The following SCLT1 variants were observed in gnomAD, a reference collection of about 807,000 sequenced individuals.
SCLT1 encodes sodium channel and clathrin linker 1.
In SCLT1, 78 loss-of-function variants were observed where a neutral mutation model predicts 112.8. That is an observed-to-expected ratio of 0.69 (90% confidence interval 0.58 to 0.83). The LOEUF (loss-of-function observed/expected upper bound fraction) is 0.83. SCLT1 is among the 40% of genes least tolerant of loss of function. SCLT1 has a pLI of 0.00. For missense variants in SCLT1, 747 were observed against 770.4 expected, an observed-to-expected ratio of 0.97 and a Z score of 0.36; for synonymous variants, 257 against 254.7, an observed-to-expected ratio of 1.01 and a Z score of -0.09.
intron 2 of SCLT1, among the ~76,000 whole-genome samples, chr4:129,057,940 C>T (rs1394153601): frequency 3.3e-5 from 5 of 151,876 alleles, no homozygotes; most frequent in African/African-American, 9.7e-5. Flanking sequence ...TTAGTAAAGA[C>T]GGGGTTTCAC....
rs185042809 is a variant in SCLT1, at chr4:129,031,125, G to T, written c.290+7916C>A. Among the ~76,000 whole-genome samples the T allele has an allele frequency of 5.3e-5, 8 of 152,054 alleles. No individual in the cohort carries two copies. The East Asian group carries it at 1.2e-3, about 22-fold the overall frequency. On this transcript the variant is annotated intron_variant, in intron 5 of 20. Coordinates refer to ENST00000281142, the MANE Select transcript of SCLT1 (RefSeq NM_144643.4). ...AAAGCTTATCCACCAAGATCAAGTCGCTTTCATCCCTAGGATACAAGGCTG... is the reference window on the plus strand; with the variant it reads ...AAAGCTTATCCACCAAGATCAAGTCTCTTTCATCCCTAGGATACAAGGCTG...
chr4:128,931,685 A>C (rs932743988), intron 18 of SCLT1, among the ~76,000 whole-genome samples: 2 of 152,132 alleles, frequency 1.3e-5, no homozygotes, highest in Admixed American at 6.6e-5. Flanking sequence ...GATGGTCTCG[A>C]TCTCTTGACC....
At chr4:129,079,271 C>T (rs913712256) in intron 2 of SCLT1, among the ~76,000 whole-genome samples, 8 of 152,276 alleles carry the variant, frequency 5.3e-5, no homozygotes, top group African/African-American at 1.9e-4. Flanking sequence ...ACTCAAAAGT[C>T]CACAGTCCAA....
chr4:128,911,602 T>C (rs2125947597), intron 18 of SCLT1, among the ~76,000 whole-genome samples: 1 of 152,328 alleles, frequency 6.6e-6, no homozygotes, highest in Non-Finnish European at 1.5e-5. Flanking sequence ...TTTTATTTAA[T>C]TATTTGGTGT....
chr4:128,993,818 A>T (rs963727114), intron 8 of SCLT1, among the ~76,000 whole-genome samples: 23 of 152,210 alleles, frequency 1.5e-4, no homozygotes, highest in African/African-American at 4.6e-4. Flanking sequence ...GTTAGTATGC[A>T]ATTAAATATT....
At chr4:129,088,542 G>C (rs1752585255) in intron 1 of SCLT1, among the ~76,000 whole-genome samples, 1 of 152,130 alleles carries the variant, frequency 6.6e-6, no homozygotes, top group South Asian at 2.1e-4. Context: ...AAAAAGAAAT[G>C]AAAGGCATCC....
chr4:128,904,111 A>G (rs1370168345), intron 18 of SCLT1, among the ~76,000 whole-genome samples: 1 of 152,120 alleles, frequency 6.6e-6, no homozygotes, highest in Non-Finnish European at 1.5e-5. Flanking sequence ...TTTAAAGAGT[A>G]TTTTGCACCA....
chr4:128,883,184 T>C (rs1393054700), downstream of SCLT1, among the ~76,000 whole-genome samples: 1 of 138,626 alleles, frequency 7.2e-6, no homozygotes, highest in Non-Finnish European at 1.5e-5. Flanking sequence ...AAAAAGTACA[T>C]GCAGAGAGAC....
intron 18 of SCLT1, among the ~76,000 whole-genome samples, chr4:128,931,385 A>G (rs998477011): frequency 1.3e-5 from 2 of 152,162 alleles, no homozygotes; most frequent in African/African-American, 4.8e-5. Context: ...ACTATCTTTT[A>G]TTGTCGAGAT....
chr4:129,076,632 T>C (rs192595879), intron 2 of SCLT1, among the ~76,000 whole-genome samples: 3 of 151,276 alleles, frequency 2.0e-5, no homozygotes, highest in Admixed American at 2.0e-4. Context: ...CGGTGTGGCG[T>C]AGATAACAAA....
chr4:128,907,126 T>C lies in SCLT1; in HGVS notation c.1830-15989A>G, dbSNP rs566626060. Among the ~76,000 whole-genome samples the C allele has an allele frequency of 3.5e-5, 5 of 142,744 alleles. No individual in the cohort carries two copies. The South Asian group carries it at 8.7e-4, about 25-fold the overall frequency. 93.6% of individuals were successfully genotyped at this position (142,744 alleles called of 152,430 possible). A position where few individuals can be genotyped will look rare whatever the true frequency, so the allele number is the denominator to read the frequency against. On this transcript the variant is annotated intron_variant, in intron 18 of 20. Transcript: ENST00000281142. The stretch of plus-strand genomic sequence containing the variant: ...TCAGCATGAATGAGATACAGAGTGT[T>C]ACTAGGAGGTGGGGGTGGGAGTGAG...
downstream of SCLT1, among the ~76,000 whole-genome samples, chr4:128,880,415 T>C (rs890156286): frequency 2.0e-5 from 3 of 152,152 alleles, no homozygotes; most frequent in Non-Finnish European, 2.9e-5. Context: ...GCAATAAATA[T>C]GGCAGTAAAT....
intron 1 of SCLT1, among the ~76,000 whole-genome samples, chr4:129,090,379 T>C (rs1305581327): frequency 6.6e-6 from 1 of 152,194 alleles, no homozygotes; most frequent in Non-Finnish European, 1.5e-5. Context: ...GGAGAAAGGG[T>C]AGTTTTTCCA....
chr4:128,933,371 A>G (rs1276682952), intron 18 of SCLT1, among the ~76,000 whole-genome samples: 1 of 152,108 alleles, frequency 6.6e-6, no homozygotes, highest in Non-Finnish European at 1.5e-5. Flanking sequence ...TCATGAATTT[A>G]AAAAATATGT....
At position 129,093,180 on chromosome 4, in the gene SCLT1, A is replaced by G; in HGVS notation, c.-77T>C. The G allele has an allele frequency of 7.1e-7, 1 of 1,398,970 alleles. No individual in the cohort carries two copies. The highest frequency in any genetic ancestry group is 1.0e-6 in the Non-Finnish European group (1 of 985,442). 86.7% of individuals were successfully genotyped at this position (1,398,970 alleles called of 1,614,324 possible). ...GACAGAGAGCTTGCTGTGCGGGAAAACAAAACTAAGCCAACGCTCGGTTGG... is the reference window on the plus strand; with the variant it reads ...GACAGAGAGCTTGCTGTGCGGGAAAGCAAAACTAAGCCAACGCTCGGTTGG... On this transcript the variant is annotated 5_prime_UTR_variant, in exon 1 of 21. Transcript: ENST00000281142.
At chr4:129,076,730 C>T (rs1751497715) in intron 2 of SCLT1, among the ~76,000 whole-genome samples, 1 of 151,908 alleles carries the variant, frequency 6.6e-6, no homozygotes, top group African/African-American at 2.4e-5. Context: ...GGAAATTTTC[C>T]ACTAAGCTTC....
At chr4:129,035,062 T>A (rs1288764323) in intron 5 of SCLT1, among the ~76,000 whole-genome samples, 2 of 152,188 alleles carry the variant, frequency 1.3e-5, no homozygotes, top group Non-Finnish European at 2.9e-5. Flanking sequence ...CATTTAGTAA[T>A]CACTCAACGG....
chr4:128,981,262 G>C (rs1741624944), intron 9 of SCLT1, among the ~76,000 whole-genome samples: 1 of 152,154 alleles, frequency 6.6e-6, no homozygotes, highest in Non-Finnish European at 1.5e-5. Context: ...GGCTGAACTA[G>C]CCTTGGGAAG....
chr4:129,043,911 A>T (rs1224847126), intron 3 of SCLT1, 82 bp downstream of exon 3: 4 of 757,878 alleles, frequency 5.3e-6, no homozygotes, highest in Non-Finnish European at 8.9e-6. Context: ...GCAGACCATA[A>T]AACAAACATT....
Sources: gnomAD v4.1 joint callset for allele counts (sites outside exome capture counted in the v4.1 genomes callset) on GRCh38, gnomAD v4.1.1 for gene constraint, MANE v1.5 for transcripts, NCBI Gene and HGNC (gene_info 2026-07-23, HGNC 2026-07-21) for gene names.